DENND4C: variants seen among roughly 807,000 people sequenced by gnomAD.
DENND4C encodes the protein DENN domain containing 4C.
Under a neutral mutation model 203.0 loss-of-function variants are expected in DENND4C, and 108 were observed. The ratio of observed to expected loss-of-function variants is 0.53; its 90% CI spans 0.46 to 0.62. DENND4C has a LOEUF of 0.62. Among genes scored for constraint, DENND4C ranks in the 20% least tolerant of loss-of-function variants. The pLI, the probability that DENND4C is intolerant of heterozygous loss-of-function variation, is 0.00. For synonymous variants in DENND4C, 871 were observed against 792.4 expected, an observed-to-expected ratio of 1.10 and a Z score of -1.67; for missense variants, 2,481 against 2,301.2, an observed-to-expected ratio of 1.08 and a Z score of -1.60.
chr9:19,232,017 C>G (rs941574635), intron 1 of DENND4C, among the ~76,000 whole-genome samples: 9 of 152,106 alleles, frequency 5.9e-5, no homozygotes, highest in African/African-American at 2.2e-4. Context: ...TATGATTTTT[C>G]TGTGTACACG....
At chr9:19,261,667 C>G (rs2130642002) in intron 1 of DENND4C, among the ~76,000 whole-genome samples, 1 of 148,896 alleles carries the variant, frequency 6.7e-6, no homozygotes, top group Non-Finnish European at 1.5e-5. Context: ...CCAGGCCGGG[C>G]TAATTTTTTT....
intron 28 of DENND4C, among the ~76,000 whole-genome samples, chr9:19,359,872 G>C (rs571230711): frequency 6.6e-6 from 1 of 152,190 alleles, no homozygotes; most frequent in African/African-American, 2.4e-5. Context: ...TGCCCCATCA[G>C]TTTAGAGTTG....
intron 1 of DENND4C, among the ~76,000 whole-genome samples, chr9:19,248,639 C>T (rs1163095623): frequency 6.6e-6 from 1 of 152,160 alleles, no homozygotes; most frequent in African/African-American, 2.4e-5. Context: ...ATCTGCCCGC[C>T]TCAGCTTCCC....
chr9:19,313,475 G>A (rs1344006848), intron 10 of DENND4C, among the ~76,000 whole-genome samples: 2 of 152,160 alleles, frequency 1.3e-5, no homozygotes, highest in African/African-American at 2.4e-5. Context: ...ATTACAAATG[G>A]ATGTTAATCC....
chr9:19,360,981 C>A (rs1339458308), intron 29 of DENND4C, among the ~76,000 whole-genome samples: 1 of 152,122 alleles, frequency 6.6e-6, no homozygotes, highest in Non-Finnish European at 1.5e-5. Flanking sequence ...TCAAGTGATT[C>A]TCCTGCCTCA....
intron 1 of DENND4C, among the ~76,000 whole-genome samples, chr9:19,234,312 C>A (rs1821320782): frequency 6.6e-6 from 1 of 151,890 alleles, no homozygotes; most frequent in Non-Finnish European, 1.5e-5. Flanking sequence ...CTCACTGCAA[C>A]CTGTGCCTCC....
chr9:19,361,273 G>A (rs1303701197), intron 29 of DENND4C, among the ~76,000 whole-genome samples: 1 of 152,158 alleles, frequency 6.6e-6, no homozygotes, highest in Non-Finnish European at 1.5e-5. Flanking sequence ...AAAAGTTAGA[G>A]AAATTTAGTA....
rs992291729 is a variant in DENND4C at position 19,268,109 on chromosome 9, T to G, written c.-17-8049T>G. Among the ~76,000 whole-genome samples, 285 of 151,880 alleles carry G rather than the reference T, an allele frequency of 1.9e-3. 1 individual carries two copies. Among genetic ancestry groups the G allele is most frequent in the African/African-American group, 6.4e-3 (267 of 41,436 alleles). Reference sequence around the variant, plus strand: ...GTGTTGTAGGTTTTTGGGTATTTTTTTTTTTTCCCGTACAGAGTCTTATTC... The same window carrying G: ...GTGTTGTAGGTTTTTGGGTATTTTTGTTTTTTCCCGTACAGAGTCTTATTC... On this transcript the variant is annotated intron_variant, in intron 1 of 32. Transcript: ENST00000434457.
chr9:19,291,679 TA>T (rs1836334986), intron 5 of DENND4C, among the ~76,000 whole-genome samples: 1 of 142,262 alleles, frequency 7.0e-6, no homozygotes, highest in Non-Finnish European at 1.5e-5. Flanking sequence ...CACTCCAGCC[TA>T]GGCTACAGAG....
intron 12 of DENND4C, among the ~76,000 whole-genome samples, chr9:19,321,075 T>G (rs917419527): frequency 6.6e-6 from 1 of 152,226 alleles, no homozygotes; most frequent in Non-Finnish European, 1.5e-5. Flanking sequence ...CTAAGAGTAA[T>G]TGGAAGCCTG....
At chr9:19,269,020 G>C (rs1831084040) in intron 1 of DENND4C, among the ~76,000 whole-genome samples, 5 of 151,898 alleles carry the variant, frequency 3.3e-5, no homozygotes, top group Admixed American at 6.6e-5. Flanking sequence ...GAATAAACTT[G>C]GTACATACTT....
intron 24 of DENND4C, among the ~76,000 whole-genome samples, chr9:19,351,482 G>T (rs544434213): frequency 6.6e-6 from 1 of 152,038 alleles, no homozygotes; most frequent in South Asian, 2.1e-4. Flanking sequence ...TTATAATTCG[G>T]TTCTTTTTCT....
intron 1 of DENND4C, among the ~76,000 whole-genome samples, chr9:19,242,188 T>A (rs1213494436): frequency 6.6e-6 from 1 of 152,214 alleles, no homozygotes; most frequent in African/African-American, 2.4e-5. Context: ...GTAGCCTTTC[T>A]GGACTAGCTT....
At chr9:19,336,034 G>A (rs1489274027) in intron 18 of DENND4C, among the ~76,000 whole-genome samples, 1 of 150,888 alleles carries the variant, frequency 6.6e-6, no homozygotes, top group African/African-American at 2.4e-5. Context: ...AACATCTTTT[G>A]TTTTTTTTGA....
intron 1 of DENND4C, among the ~76,000 whole-genome samples, chr9:19,256,445 T>C (rs1024237869): frequency 6.6e-6 from 1 of 151,358 alleles, no homozygotes; most frequent in African/African-American, 2.4e-5. Context: ...GCCTCCCGAG[T>C]AGCTGGGATT....
intron 9 of DENND4C, among the ~76,000 whole-genome samples, chr9:19,302,969 T>G (rs1438018992): frequency 6.6e-6 from 1 of 152,134 alleles, no homozygotes; most frequent in Non-Finnish European, 1.5e-5. Flanking sequence ...TGCTCTGAAC[T>G]CTAATGTCCT....
intron 11 of DENND4C, 51 bp downstream of exon 11, chr9:19,316,568 AT>A (rs1563795745): frequency 6.2e-7 from 1 of 1,603,034 alleles, no homozygotes; most frequent in South Asian, 1.1e-5. Context: ...ATACGAGAAA[AT>A]TCTTCTTAAA....
intron 5 of DENND4C, 151 bp downstream of exon 5, chr9:19,291,027 C>T: frequency 2.6e-6 from 2 of 770,382 alleles, no homozygotes; most frequent in Non-Finnish European, 4.0e-6. Context: ...GAGAAATCAA[C>T]ATGAAAATTG....
At chr9:19,306,064 C>CT (rs1839591232) in intron 10 of DENND4C, among the ~76,000 whole-genome samples, 1 of 152,162 alleles carries the variant, frequency 6.6e-6, no homozygotes, top group Non-Finnish European at 1.5e-5. Context: ...AGTGGTACAG[C>CT]TGAGGGTTCA....
Sources: allele counts gnomAD v4.1 joint callset (sites outside exome capture counted in the v4.1 genomes callset), GRCh38; gene constraint gnomAD v4.1.1; transcripts MANE v1.5; gene names NCBI Gene and HGNC (gene_info 2026-07-23, HGNC 2026-07-21).